The following PRDM16 variants were observed in gnomAD, a reference collection of about 807,000 sequenced individuals.
PRDM16 encodes PR/SET domain 16, also known as histone-lysine N-methyltransferase PRDM16.
Under a neutral mutation model 110.6 loss-of-function variants are expected in PRDM16, and 23 were observed. The observed-to-expected ratio is 0.21, with a 90% CI of 0.15 to 0.29. The LOEUF is 0.29. Among genes scored for constraint, PRDM16 ranks in the 10% least tolerant of loss-of-function variants. The pLI is 1.00. For missense variants in PRDM16, 1,615 were observed against 1,794.3 expected (o/e 0.90, Z 1.81); for synonymous variants, 799 against 781.8 (o/e 1.02, Z -0.37).
At chr1:3,103,952 G>C (rs116127887) in intron 1 of PRDM16, among the ~76,000 whole-genome samples, 2,380 of 152,292 alleles carry the variant, frequency 0.016, 63 homozygotes, top group African/African-American at 0.053. Flanking sequence ...ACTACCCTGG[G>C]AGTTAACGGT....
intron 1 of PRDM16, among the ~76,000 whole-genome samples, chr1:3,161,791 C>T (rs1278136595): frequency 6.6e-6 from 1 of 152,238 alleles, no homozygotes; most frequent in African/African-American, 2.4e-5. Flanking sequence ...CCCATGCCAG[C>T]GGCGTCCCAG....
intron 12 of PRDM16, among the ~76,000 whole-genome samples, chr1:3,423,632 C>T (rs977669095): frequency 4.6e-5 from 7 of 152,168 alleles, no homozygotes; most frequent in African/African-American, 9.6e-5. Context: ...CCGGTCGGGG[C>T]GGGGTGGGGC....
chr1:3,311,140 G>C (rs776719961), intron 3 of PRDM16, among the ~76,000 whole-genome samples: 6 of 152,198 alleles, frequency 3.9e-5, no homozygotes, highest in African/African-American at 1.2e-4. Context: ...GGGTTAACCC[G>C]CCGAGGGCTG....
intron 1 of PRDM16, among the ~76,000 whole-genome samples, chr1:3,112,286 G>A (rs181311496): frequency 1.1e-3 from 164 of 152,346 alleles, no homozygotes; most frequent in African/African-American, 3.5e-3. Flanking sequence ...AAGGGAGCAC[G>A]GCTTTGTCCC....
intron 1 of PRDM16, among the ~76,000 whole-genome samples, chr1:3,086,123 G>C (rs768215753): frequency 8.2e-5 from 3 of 36,562 alleles, no homozygotes; most frequent in African/African-American, 1.1e-4. Context: ...TCTCCTGCAA[G>C]GTCTCTGTCT....
chr1:3,420,384 A>G (rs769337658), intron 12 of PRDM16, among the ~76,000 whole-genome samples: 74 of 152,256 alleles, frequency 4.9e-4, no homozygotes, highest in Admixed American at 8.5e-4. Flanking sequence ...TGCCCGCCCC[A>G]GTGTGAGCCC....
chr1:3,256,134 A>G (rs1640040740), intron 3 of PRDM16, among the ~76,000 whole-genome samples: 1 of 152,172 alleles, frequency 6.6e-6, no homozygotes, highest in Admixed American at 6.5e-5. Flanking sequence ...GAGAGGAGAC[A>G]TCCGGATAAG....
intron 3 of PRDM16, among the ~76,000 whole-genome samples, chr1:3,278,969 C>T (rs114132224): frequency 0.022 from 3,355 of 152,280 alleles, 126 homozygotes; most frequent in African/African-American, 0.072. Flanking sequence ...CACACGGTGC[C>T]GAGCGCGGCG....
At chr1:3,215,448 C>T (rs1444797809) in intron 2 of PRDM16, among the ~76,000 whole-genome samples, 2 of 148,290 alleles carry the variant, frequency 1.3e-5, no homozygotes, top group African/African-American at 2.6e-5. Context: ...AGAACAGAGC[C>T]TCCAGGAGGG....
intron 3 of PRDM16, among the ~76,000 whole-genome samples, chr1:3,314,079 G>A (rs906633458): frequency 6.6e-6 from 1 of 151,562 alleles, no homozygotes; most frequent in East Asian, 1.9e-4. Context: ...ACCGGGGGGG[G>A]GGGCGGGAAC....
intron 1 of PRDM16, among the ~76,000 whole-genome samples, chr1:3,110,968 AG>A (rs1642778616): frequency 6.6e-6 from 1 of 152,208 alleles, no homozygotes; most frequent in African/African-American, 2.4e-5. Flanking sequence ...GTTCTGGGCA[AG>A]ACGGCAGGGG....
chr1:3,186,723 A>C, intron 2 of PRDM16: 1 of 459,906 alleles, frequency 2.2e-6, no homozygotes, highest in Admixed American at 3.9e-5. Context: ...TGTGTCTTTC[A>C]TGAGCTCATG....
intron 3 of PRDM16, among the ~76,000 whole-genome samples, chr1:3,366,156 C>T (rs564899299): frequency 1.4e-4 from 21 of 152,316 alleles, no homozygotes; most frequent in African/African-American, 5.1e-4. Context: ...CCCGATGTGC[C>T]GACAGCCGGA....
At chr1:3,297,105 G>A (rs1461660454) in intron 3 of PRDM16, among the ~76,000 whole-genome samples, 4 of 152,120 alleles carry the variant, frequency 2.6e-5, no homozygotes, top group African/African-American at 9.7e-5. Flanking sequence ...CTCAGACCTC[G>A]TGGGGTGTAG....
At chr1:3,134,846 A>G (rs971567414) in intron 1 of PRDM16, among the ~76,000 whole-genome samples, 1 of 152,170 alleles carries the variant, frequency 6.6e-6, no homozygotes, top group African/African-American at 2.4e-5. Context: ...GAGGGGCCTG[A>G]CCACCCGAAC....
At chr1:3,119,652 G>A (rs1378031119) in intron 1 of PRDM16, among the ~76,000 whole-genome samples, 1 of 152,236 alleles carries the variant, frequency 6.6e-6, no homozygotes, top group South Asian at 2.1e-4. Context: ...ATGGCCCGAT[G>A]AGGCAGATAG....
chr1:3,349,829 G>A (rs577390177), intron 3 of PRDM16, among the ~76,000 whole-genome samples: 1 of 152,338 alleles, frequency 6.6e-6, no homozygotes, highest in East Asian at 1.9e-4. Context: ...TGGGGATTGA[G>A]GAGCCTCCAG....
chr1:3,144,178 T>C (rs1643602793), intron 1 of PRDM16, among the ~76,000 whole-genome samples: 1 of 152,138 alleles, frequency 6.6e-6, no homozygotes, highest in Non-Finnish European at 1.5e-5. Flanking sequence ...CAGCCACCAC[T>C]GCCCTGAGGA....
Position 3,069,302 on chromosome 1 carries a change from T to A in PRDM16, c.37+6T>A. ...GGCGAGGAAGCTAGCCAAAAGTAAG[T>A]CTCCCGCGCTCGGCCGCGCCGCGCC... On this transcript the variant is annotated splice_donor_region_variant and intron_variant, in intron 1 of 16. Coordinates refer to ENST00000270722, the MANE Select transcript of PRDM16 (RefSeq NM_022114.4). The surrounding 1 kb of genome is among the most constrained non-coding windows in gnomAD (Gnocchi z 6.1). 2 of 1,448,688 alleles carry A rather than the reference T, an allele frequency of 1.4e-6. No individual in the cohort carries two copies. Among genetic ancestry groups the A allele is most frequent in the Non-Finnish European group, 9.2e-7 (1 of 1,087,216 alleles). The allele number at this position is 1,448,688 out of a possible 1,614,324, so 89.7% of individuals were successfully genotyped here. A position where few individuals can be genotyped will look rare whatever the true frequency, so the allele number is the denominator to read the frequency against.
Sources: gnomAD v4.1 joint callset for allele counts (sites outside exome capture counted in the v4.1 genomes callset) on GRCh38, gnomAD v4.1.1 for gene constraint, Gnocchi (gnomAD v3.1) non-coding constraint, MANE v1.5 for transcripts, NCBI Gene and HGNC (gene_info 2026-07-23, HGNC 2026-07-21) for gene names.